The following HMCN2 variants were observed in gnomAD, a reference collection of about 807,000 sequenced individuals.
The protein encoded by HMCN2 is hemicentin 2, also known as hemicentin-2.
Under a neutral mutation model 377.5 loss-of-function variants are expected in HMCN2, and 325 were observed. The ratio of observed to expected loss-of-function variants is 0.86; its 90% CI spans 0.79 to 0.94. The LOEUF (loss-of-function observed/expected upper bound fraction) is 0.94, where lower values mean the gene tolerates loss of function less well. Among genes scored for constraint, HMCN2 ranks in the 40% least tolerant of loss-of-function variants. The pLI is 0.00. For synonymous variants in HMCN2, 2,007 were observed against 2,046.8 expected (o/e 0.98, Z 0.53); for missense variants, 4,543 against 4,725.3 (o/e 0.96, Z 1.13).
chr9:130,381,292 T>A (rs572375492), intron 54 of HMCN2, among the ~76,000 whole-genome samples: 20 of 152,218 alleles, frequency 1.3e-4, no homozygotes, highest in Non-Finnish European at 2.8e-4. Context: ...CCTAGAATTC[T>A]GAGCACACAG....
At chr9:130,349,218 C>T (rs1839561917) in intron 28 of HMCN2, 87 bp downstream of exon 28, 1 of 1,226,582 alleles carries the variant, frequency 8.2e-7, no homozygotes, top group African/African-American at 1.6e-5. Context: ...AGAGGGTAGA[C>T]TTTGCCTGCG....
chr9:130,399,296 A>G (rs1718466684), intron 75 of HMCN2, among the ~76,000 whole-genome samples: 1 of 152,160 alleles, frequency 6.6e-6, no homozygotes, highest in Non-Finnish European at 1.5e-5. Flanking sequence ...AAAATTGGAA[A>G]ACCAATGTAC....
intron 92 of HMCN2, 66 bp downstream of exon 92, chr9:130,427,685 G>A (rs1588447408): frequency 6.7e-7 from 1 of 1,492,774 alleles, no homozygotes; most frequent in African/African-American, 1.4e-5. Flanking sequence ...GTGCAGAAGG[G>A]TCCCCAGGGC....
rs531302564 is a variant in HMCN2, at chr9:130,386,686, T to G, written c.9391+162T>G. 1.2e-4 allele frequency among the ~76,000 whole-genome samples: 19 copies of G among 152,362 alleles called. 1 individual carries two copies. The South Asian group carries it at 3.9e-3, about 32-fold the overall frequency. ...ACCTATCTATATCTACATCTCTTTC[T>G]TTTTGTAGAGATGGGGCCTCATTAT... is the stretch of plus-strand genomic sequence containing the variant. On this transcript the variant is annotated intron_variant, in intron 61 of 97. Coordinates refer to ENST00000683500, the MANE Select transcript of HMCN2 (RefSeq NM_001291815.2).
chr9:130,433,675 G>A lies in HMCN2; in HGVS notation c.15222G>A (p.Val5074=). The A allele has an allele frequency of 6.6e-7, 1 of 1,505,534 alleles. No homozygotes were observed. The allele number at this position is 1,505,534 out of a possible 1,614,324, so 93.3% of individuals were successfully genotyped here. A position where few individuals can be genotyped will look rare whatever the true frequency, so the allele number is the denominator to read the frequency against. The change falls in exon 98 of 98, where the codon GTG becomes GTA. Residue 5074 remains valine (V), a synonymous_variant. Transcript: ENST00000683500. ...GCGTCTTCGTCTTGCTCATCGCCGT[G>A]TCCCCCTACCCCTACTAAACGGGAG... ...HQSVFVLLIA[V]SPYPY
At chr9:130,364,065 C>T (rs924243363) in intron 40 of HMCN2, among the ~76,000 whole-genome samples, 1 of 152,190 alleles carries the variant, frequency 6.6e-6, no homozygotes, top group East Asian at 1.9e-4. Flanking sequence ...AGGAAGGATT[C>T]GATTCTAGCT....
chr9:130,408,002 C>G (rs1307369176), intron 83 of HMCN2, among the ~76,000 whole-genome samples: 1 of 152,218 alleles, frequency 6.6e-6, no homozygotes, highest in African/African-American at 2.4e-5. Context: ...CTACCTGCAG[C>G]TGGATGGTGC....
At chr9:130,413,216 ATCTT>A (rs1843517390) in intron 85 of HMCN2, among the ~76,000 whole-genome samples, 2 of 152,212 alleles carry the variant, frequency 1.3e-5, no homozygotes, top group Non-Finnish European at 2.9e-5. Context: ...CAGTTTGACT[ATCTT>A]TCTTTCAAAT....
Position 130,404,773 on chromosome 9 carries a change from G to GAGGGCTGA in HMCN2, c.12149-88_12149-81dup, listed in dbSNP as rs909019872. 4 of 851,908 alleles carry GAGGGCTGA rather than the reference G, an allele frequency of 4.7e-6. No individual in the cohort carries two copies. The African/African-American group carries it at 7.2e-5, about 15-fold the overall frequency. The allele number at this position is 851,908 out of a possible 1,614,324, so 52.8% of individuals were successfully genotyped here. Reference sequence around the variant, plus strand: ...TTGGAGGGGGCAGCTGATGGCCAGGGAGGGCTGAAGGGCTGGGCCAAAGGC... The same window carrying GAGGGCTGA: ...TTGGAGGGGGCAGCTGATGGCCAGGGAGGGCTGAAGGGCTGAAGGGCTGGGCCAAAGGC... On this transcript the variant is annotated intron_variant, in intron 80 of 97. Coordinates refer to ENST00000683500, the MANE Select transcript of HMCN2 (RefSeq NM_001291815.2).
At chr9:130,383,268 G>GGA (rs1841829565) in intron 56 of HMCN2, among the ~76,000 whole-genome samples, 1 of 30,832 alleles carries the variant, frequency 3.2e-5, no homozygotes, top group African/African-American at 4.5e-5. Flanking sequence ...CCACAGGGGT[G>GGA]GGGGAGGCTC....
At chr9:130,365,505 C>G (rs559934372) in intron 41 of HMCN2, 126 bp from the exon 42 acceptor site, 10 of 253,148 alleles carry the variant, frequency 4.0e-5, no homozygotes, top group African/African-American at 6.9e-5. Flanking sequence ...GTCACTGCCC[C>G]GTGCTCCAAG....
rs1335985070 is a variant in HMCN2 at position 130,304,933 on chromosome 9, G to A, written c.1747G>A (p.Gly583Arg). ...EISGIIPTDG[G>R]RYQCVASNAN... is the part of the protein sequence containing the mutation. The stretch of plus-strand genomic sequence containing the variant: ...CAGTGGCATCATCCCCACAGACGGC[G>A]GGAGGTACCAGTGTGTGGCCAGCAA... Residue 583 changes from glycine (G) to arginine (R), a missense_variant, in exon 11 of 98, where the codon GGG becomes AGG. Around this residue, in one of 5 missense-constraint regions of HMCN2, gnomAD observed 547 missense variants for 189.9 expected, o/e 2.88. Coordinates refer to ENST00000683500, the MANE Select transcript of HMCN2 (RefSeq NM_001291815.2). The surrounding 1 kb of genome is among the most constrained non-coding windows in gnomAD (Gnocchi z 4.3). The A allele has an allele frequency of 3.0e-5, 14 of 471,010 alleles. No individual in the cohort carries two copies. Among genetic ancestry groups the A allele is most frequent in the East Asian group, 6.9e-5 (1 of 14,408 alleles). 29.2% of individuals were successfully genotyped at this position (471,010 alleles called of 1,614,324 possible).
chr9:130,323,623 A>C (rs1837967478), intron 19 of HMCN2, among the ~76,000 whole-genome samples: 1 of 152,182 alleles, frequency 6.6e-6, no homozygotes, highest in Admixed American at 6.5e-5. Flanking sequence ...TGGGGAAGAC[A>C]AAAAAACTGA....
chr9:130,432,836 C>A (rs1844842562), intron 97 of HMCN2: 2 of 493,994 alleles, frequency 4.0e-6, no homozygotes, highest in Non-Finnish European at 7.3e-6. Flanking sequence ...CCACTCACAG[C>A]GGCCACGGAC....
rs753704641 is a variant in HMCN2 at position 130,369,224 on chromosome 9, A to G, written c.6788-346A>G. 5.9e-5 allele frequency among the ~76,000 whole-genome samples: 9 copies of G among 152,248 alleles called. No homozygotes were observed. The highest frequency in any genetic ancestry group is 1.3e-4 in the Non-Finnish European group (9 of 68,044). On this transcript the variant is annotated intron_variant, in intron 44 of 97. Coordinates refer to ENST00000683500, the MANE Select transcript of HMCN2 (RefSeq NM_001291815.2). This position sits in a 1 kb window ranked among gnomAD's most constrained non-coding sequence, Gnocchi z 4.5. ...ATAAAACCAGGAACAGTGCTGTTCA[A>G]CATCTTGAGGAGAAACCCACCCGTA...
At chr9:130,273,145 C>T (rs1270070708) in intron 1 of HMCN2, among the ~76,000 whole-genome samples, 1 of 146,546 alleles carries the variant, frequency 6.8e-6, no homozygotes, top group Admixed American at 6.9e-5. Flanking sequence ...TAGGTTCCAC[C>T]CTTTTTTTTT....
At chr9:130,417,902 G>A (rs1843782358) in intron 85 of HMCN2, among the ~76,000 whole-genome samples, 1 of 152,126 alleles carries the variant, frequency 6.6e-6, no homozygotes, top group African/African-American at 2.4e-5. Flanking sequence ...TGCTTGTTCC[G>A]CAGCCTCACC....
In HMCN2 at chr9:130,410,510, TG is replaced by T; in HGVS notation, c.12880-60del. ...GGCTGCCCTCAGTCCCCTACCCAAC[TG>T]TCTGAGCCACTCATCTTCTTCTCTG... is the stretch of plus-strand genomic sequence containing the variant. On this transcript the variant is annotated intron_variant, in intron 84 of 97. Coordinates refer to ENST00000683500, the MANE Select transcript of HMCN2 (RefSeq NM_001291815.2). The T allele has an allele frequency of 2.7e-6, 4 of 1,484,604 alleles. No individual in the cohort carries two copies. In the South Asian group the frequency reaches 4.8e-5, roughly 18 times the overall value. 92.0% of individuals were successfully genotyped at this position (1,484,604 alleles called of 1,614,324 possible).
chr9:130,287,561 A>G (rs1225753476), intron 4 of HMCN2, among the ~76,000 whole-genome samples: 1 of 149,544 alleles, frequency 6.7e-6, no homozygotes, highest in Admixed American at 6.7e-5. Context: ...TAAAAAAAAA[A>G]AAAAAAAAAA....
Sources: allele counts gnomAD v4.1 joint callset (sites outside exome capture counted in the v4.1 genomes callset), GRCh38; gene constraint gnomAD v4.1.1; regional missense constraint gnomAD v4.1.1; non-coding constraint Gnocchi (gnomAD v3.1); transcripts MANE v1.5; gene names NCBI Gene and HGNC (gene_info 2026-07-23, HGNC 2026-07-21).